NFYC: variants seen among roughly 807,000 people sequenced by gnomAD.
NFYC encodes nuclear transcription factor Y subunit gamma.
NFYC carries 25 observed loss-of-function variants against 53.1 expected under a neutral mutation model. The ratio of observed to expected loss-of-function variants is 0.47; its 90% CI spans 0.34 to 0.66. NFYC has a LOEUF of 0.66. Ranked by LOEUF, NFYC falls within the 30% of genes least tolerant of loss-of-function variation. The pLI is 0.01. For missense variants in NFYC, 260 were observed against 422.7 expected (o/e 0.62, Z 3.38); for synonymous variants, 145 against 152.6 (o/e 0.95, Z 0.37).
chr1:40,737,533 T>C (rs1645101895), intron 1 of NFYC, among the ~76,000 whole-genome samples: 2 of 152,072 alleles, frequency 1.3e-5, no homozygotes, highest in South Asian at 4.1e-4. Flanking sequence ...TTCACCATGT[T>C]GCCCAGGCTG....
At chr1:40,727,746 T>C (rs373363184) in intron 1 of NFYC, among the ~76,000 whole-genome samples, 1 of 151,686 alleles carries the variant, frequency 6.6e-6, no homozygotes, top group Admixed American at 6.6e-5. Context: ...TTGGCCCGGC[T>C]GGTCTCAAAC....
chr1:40,757,266 T>C (rs771793449), intron 5 of NFYC: 1 of 526,150 alleles, frequency 1.9e-6, no homozygotes, highest in Non-Finnish European at 3.9e-6. Context: ...TGATCAACCC[T>C]GGACCCTGTG....
chr1:40,713,324 A>G (rs1644005739), intron 1 of NFYC, among the ~76,000 whole-genome samples: 1 of 152,226 alleles, frequency 6.6e-6, no homozygotes, highest in Admixed American at 6.5e-5. Context: ...TCATATTCAG[A>G]CAGAATGAGG....
In NFYC at chr1:40,733,978, C is replaced by A. The variant is rs568528250; in HGVS notation, c.-8-4858C>A. Among the ~76,000 whole-genome samples, 144 of 152,232 alleles carry A rather than the reference C, an allele frequency of 9.5e-4. 1 individual carries two copies. The highest frequency in any genetic ancestry group is 2.9e-4 in the Non-Finnish European group (20 of 68,016). On this transcript the variant is annotated intron_variant, in intron 1 of 9. Coordinates refer to ENST00000447388, the MANE Select transcript of NFYC (RefSeq NM_014223.5). ...GCCAGGCTGGTCTTGAACTCCTGAC[C>A]TCAAGTGATCCTCCACCTCAGCCTC...
chr1:40,720,377 T>C (rs550369351), intron 1 of NFYC, among the ~76,000 whole-genome samples: 6 of 152,360 alleles, frequency 3.9e-5, no homozygotes, highest in Non-Finnish European at 2.9e-5. Flanking sequence ...TCTCCCATTT[T>C]TCAGTGGAGC....
chr1:40,738,429 G>T (rs1645169357), intron 1 of NFYC, among the ~76,000 whole-genome samples: 1 of 152,222 alleles, frequency 6.6e-6, no homozygotes, highest in African/African-American at 2.4e-5. Flanking sequence ...TGGCATGGAG[G>T]ATGAGAAGCC....
At chr1:40,737,901 CTTTTTTTTTTT>C (rs530348029) in intron 1 of NFYC, among the ~76,000 whole-genome samples, 2 of 123,162 alleles carry the variant, frequency 1.6e-5, no homozygotes, top group Non-Finnish European at 3.4e-5. Flanking sequence ...TGCTCTCTCT[CTTTTTTTTTTT>C]TTTTTTTTGA....
rs755748589 is a variant in NFYC, at chr1:40,758,246, C to T, written c.513C>T (p.Thr171=). The T allele has an allele frequency of 6.2e-7, 1 of 1,613,670 alleles. No homozygotes were observed. The highest frequency in any genetic ancestry group is 8.5e-7 in the Non-Finnish European group (1 of 1,180,008). Residue 171 remains threonine, a synonymous_variant, in exon 6 of 10, where the codon ACC becomes ACT. Transcript: ENST00000447388. ...GCCAGCAGACCACCAGCTCCACGAC[C>T]ACCATCCAGCCTGGGCAGATCATCA... ...QQGQQTTSST[T]TIQPGQIIIA...
intron 1 of NFYC, among the ~76,000 whole-genome samples, chr1:40,696,085 G>A (rs750141152): frequency 4.6e-4 from 69 of 150,116 alleles, no homozygotes; most frequent in Non-Finnish European, 7.1e-4. Context: ...GTGCAATGGC[G>A]CGATCTTGGC....
chr1:40,720,533 GA>G (rs1644291913), intron 1 of NFYC, among the ~76,000 whole-genome samples: 1 of 151,982 alleles, frequency 6.6e-6, no homozygotes, highest in Non-Finnish European at 1.5e-5. Context: ...CCATTTCAAA[GA>G]AAAGTACCTA....
chr1:40,771,165 C>CTT lies in NFYC; in HGVS notation c.*346_*347dup. The CTT allele has an allele frequency of 1.9e-5, 6 of 315,622 alleles. No individual in the cohort carries two copies. The highest frequency in any genetic ancestry group is 3.0e-5 in the Non-Finnish European group (5 of 168,426). The allele number at this position is 315,622 out of a possible 1,614,324, so 19.6% of individuals were successfully genotyped here. A position where few individuals can be genotyped will look rare whatever the true frequency, so the allele number is the denominator to read the frequency against. On this transcript the variant is annotated 3_prime_UTR_variant, in exon 10 of 10. Transcript: ENST00000447388. Reference sequence around the variant, plus strand: ...AAGAAATATTTCTCCTTTTGTTTTTCTTTTTTTTTTGTTTGTTACTGCCAC... The same window carrying CTT: ...AAGAAATATTTCTCCTTTTGTTTTTCTTTTTTTTTTTTGTTTGTTACTGCCAC...
chr1:40,761,787 A>C (rs1646558435), intron 6 of NFYC, among the ~76,000 whole-genome samples: 1 of 152,214 alleles, frequency 6.6e-6, no homozygotes, highest in Non-Finnish European at 1.5e-5. Context: ...ACATCGGTTG[A>C]AGTTTATGAT....
chr1:40,730,740 C>A (rs1644732676), intron 1 of NFYC: 1 of 183,370 alleles, frequency 5.5e-6, no homozygotes, highest in Non-Finnish European at 1.0e-5. Context: ...AATGATAATA[C>A]CAACATTATA....
At chr1:40,707,666 A>T (rs12737069) in intron 1 of NFYC, among the ~76,000 whole-genome samples, 5 of 151,232 alleles carry the variant, frequency 3.3e-5, no homozygotes, top group African/African-American at 1.2e-4. Context: ...AAAAAAAAAA[A>T]CAAGAAAAGA....
intron 2 of NFYC, among the ~76,000 whole-genome samples, chr1:40,745,538 C>T (rs1645566944): frequency 6.6e-6 from 1 of 152,212 alleles, no homozygotes. Context: ...CCTCTATACT[C>T]AGGTAGTAGA....
intron 2 of NFYC, among the ~76,000 whole-genome samples, chr1:40,741,365 TGTAA>T (rs1344037883): frequency 6.6e-6 from 1 of 152,214 alleles, no homozygotes; most frequent in East Asian, 1.9e-4. Context: ...TTTAGGCTAA[TGTAA>T]GTGTTCTGAG....
intron 1 of NFYC, among the ~76,000 whole-genome samples, chr1:40,726,623 G>C (rs761918986): frequency 6.6e-6 from 1 of 152,002 alleles, no homozygotes; most frequent in Non-Finnish European, 1.5e-5. Flanking sequence ...TGCCCAGACT[G>C]ATCTTGATGT....
At position 40,725,913 on chromosome 1, in the gene NFYC, CATA is replaced by C. The variant is rs1644495016; in HGVS notation, c.-8-12920_-8-12918del. 2.0e-5 allele frequency among the ~76,000 whole-genome samples: 3 copies of C among 152,172 alleles called. No homozygotes were observed. The South Asian group carries it at 6.2e-4, about 32-fold the overall frequency. On this transcript the variant is annotated intron_variant, in intron 1 of 9. Coordinates refer to ENST00000447388, the MANE Select transcript of NFYC (RefSeq NM_014223.5). The stretch of plus-strand genomic sequence containing the variant: ...GTGTAGCCTATTAAGTGTGCAACAG[CATA>C]ATGTCTAAAAAATGTGCTTATTTTA...
At position 40,770,205 on chromosome 1, in the gene NFYC, C is replaced by A; in HGVS notation, c.889-504C>A. The stretch of plus-strand genomic sequence containing the variant: ...CTATAGTTAAGTGTTTAATACCAGG[C>A]CACCTCCTTAGCAGGGTCCATGGAG... On this transcript the variant is annotated intron_variant, in intron 9 of 9. Coordinates refer to ENST00000447388, the MANE Select transcript of NFYC (RefSeq NM_014223.5). This position sits in a 1 kb window ranked among gnomAD's most constrained non-coding sequence, Gnocchi z 5.3. The A allele has an allele frequency of 1.6e-6, 1 of 624,518 alleles. No individual in the cohort carries two copies. 38.7% of individuals were successfully genotyped at this position (624,518 alleles called of 1,614,324 possible).
Sources: gnomAD v4.1 joint callset for allele counts (sites outside exome capture counted in the v4.1 genomes callset) on GRCh38, gnomAD v4.1.1 for gene constraint, Gnocchi (gnomAD v3.1) non-coding constraint, MANE v1.5 for transcripts, NCBI Gene and HGNC (gene_info 2026-07-23, HGNC 2026-07-21) for gene names.